The following TSHZ3 variants were observed in gnomAD, a reference collection of about 807,000 sequenced individuals.
The protein encoded by TSHZ3 is teashirt zinc finger homeobox 3, also known as teashirt homolog 3.
Under a neutral mutation model 64.5 loss-of-function variants are expected in TSHZ3, and 10 were observed. The observed-to-expected ratio is 0.16, with a 90% CI of 0.10 to 0.26. TSHZ3 has a LOEUF of 0.26. Ranked by LOEUF, TSHZ3 falls within the 10% of genes least tolerant of loss-of-function variation. The probability of loss-of-function intolerance (pLI) is 1.00; values close to 1 mark genes in which losing one functional copy is unlikely to be tolerated. For missense variants in TSHZ3, 1,242 were observed against 1,421.7 expected (o/e 0.87, Z 2.03); for synonymous variants, 608 against 593.1 (o/e 1.03, Z -0.36).
intron 1 of TSHZ3, among the ~76,000 whole-genome samples, chr19:31,306,340 C>T (rs1916295740): frequency 6.6e-6 from 1 of 152,192 alleles, no homozygotes. Context: ...GCCTAACAGT[C>T]AAATGTCTAT....
intron 1 of TSHZ3, among the ~76,000 whole-genome samples, chr19:31,289,805 G>T (rs2145128139): frequency 6.6e-6 from 1 of 152,298 alleles, no homozygotes; most frequent in African/African-American, 2.4e-5. Context: ...ATGTCCGCTG[G>T]GCTTCTGCCT....
intron 1 of TSHZ3, among the ~76,000 whole-genome samples, chr19:31,316,039 T>C (rs942208920): frequency 1.3e-5 from 2 of 152,126 alleles, no homozygotes; most frequent in African/African-American, 2.4e-5. Context: ...ATTACTGCTA[T>C]ATAAAACTAG....
At chr19:31,245,131 A>T (rs1975744411) in intron 1 of TSHZ3, among the ~76,000 whole-genome samples, 1 of 152,120 alleles carries the variant, frequency 6.6e-6, no homozygotes, top group Non-Finnish European at 1.5e-5. Flanking sequence ...ATAATATTCT[A>T]TATTTTTCAA....
chr19:31,247,699 G>C (rs1053830710), intron 1 of TSHZ3, among the ~76,000 whole-genome samples: 21 of 152,124 alleles, frequency 1.4e-4, no homozygotes, highest in African/African-American at 5.1e-4. Context: ...TTAACTTCCT[G>C]ATTTTTGTGT....
At chr19:31,170,189 A>G (rs1391296956) in intron 5 of TSHZ3, among the ~76,000 whole-genome samples, 1 of 152,124 alleles carries the variant, frequency 6.6e-6, no homozygotes, top group East Asian at 1.9e-4. Flanking sequence ...GGAGGCTGCA[A>G]GTTGGAGATC....
At chr19:31,303,527 C>T (rs890343493) in intron 1 of TSHZ3, among the ~76,000 whole-genome samples, 3 of 152,122 alleles carry the variant, frequency 2.0e-5, no homozygotes, top group East Asian at 1.9e-4. Flanking sequence ...CTGACCATCT[C>T]GGTGGGGTGG....
At chr19:31,151,197 T>G (rs1974233853) in exon 7 of TSHZ3, among the ~76,000 whole-genome samples, 1 of 152,146 alleles carries the variant, frequency 6.6e-6, no homozygotes, top group African/African-American at 2.4e-5. Context: ...GCAGTGTAAG[T>G]GACGGGAAAA....
Position 31,278,132 on chromosome 19 carries a change from T to C in TSHZ3, c.1661A>G (p.Tyr554Cys), listed in dbSNP as rs1976285042. The part of the protein sequence containing the change: ...WGGYPSIHAA[Y>C]QLPNMMKLSL... ...CAACTTCATCATGTTGGGAAGTTGG[T>C]AGGCGGCATGGATGCTGGGATAGCC... The change falls in exon 2 of 2, where the codon TAC (tyrosine) becomes TGC (cysteine). Residue 554 changes from tyrosine to cysteine, a missense_variant. By Grantham distance (194) the Tyr-to-Cys change is radical (BLOSUM62 -2). Around this residue, in one of 4 missense-constraint regions of TSHZ3, gnomAD observed 550 missense variants for 545.1 expected, o/e 1.01. Coordinates refer to ENST00000240587, the MANE Select transcript of TSHZ3 (RefSeq NM_020856.4). This position sits in a 1 kb window ranked among gnomAD's most constrained non-coding sequence, Gnocchi z 4.7. 2.5e-6 allele frequency: 4 copies of C among 1,614,164 alleles called. No individual in the cohort carries two copies. Among genetic ancestry groups the C allele is most frequent in the Non-Finnish European group, 3.4e-6 (4 of 1,180,010 alleles).
downstream of TSHZ3, among the ~76,000 whole-genome samples, chr19:31,274,785 A>G (rs552172288): frequency 6.6e-6 from 1 of 151,942 alleles, no homozygotes; most frequent in East Asian, 2.0e-4. Flanking sequence ...CAAACGCCAA[A>G]GTTCACTAAA....
intron 5 of TSHZ3, among the ~76,000 whole-genome samples, chr19:31,193,062 G>A (rs1019536020): frequency 6.6e-6 from 1 of 152,136 alleles, no homozygotes; most frequent in African/African-American, 2.4e-5. Flanking sequence ...CCCAGTGCCT[G>A]TGTGGCACAG....
rs373110206 is a variant in TSHZ3, at chr19:31,277,273, G to A, written c.2520C>T (p.Arg840=). The part of the protein sequence containing the change: ...VVSFMSNSPL[R]ENALSDISDM... ...CGGATATATCTGACAAGGCATTCTC[G>A]CGTAGCGGCGAGTTTGACATGAATG... is the stretch of plus-strand genomic sequence containing the variant. Residue 840 remains arginine (R), a synonymous_variant, in exon 2 of 2, where the codon CGC becomes CGT. Coordinates refer to ENST00000240587, the MANE Select transcript of TSHZ3 (RefSeq NM_020856.4). The surrounding 1 kb of genome is among the most constrained non-coding windows in gnomAD (Gnocchi z 4.5). 6.8e-6 allele frequency: 11 copies of A among 1,614,020 alleles called. No homozygotes were observed. Among genetic ancestry groups the A allele is most frequent in the South Asian group, 2.2e-5 (2 of 91,078 alleles).
At chr19:31,225,274 T>C (rs1334306212) in intron 4 of TSHZ3, among the ~76,000 whole-genome samples, 1 of 151,994 alleles carries the variant, frequency 6.6e-6, no homozygotes, top group Non-Finnish European at 1.5e-5. Flanking sequence ...GATGTGACAA[T>C]CTCTTTGAAG....
chr19:31,286,602 G>A (rs1292480290), intron 1 of TSHZ3, among the ~76,000 whole-genome samples: 2 of 152,196 alleles, frequency 1.3e-5, no homozygotes, highest in Non-Finnish European at 1.5e-5. Context: ...GCAACCCCTC[G>A]GGATGAGTCA....
upstream of TSHZ3, among the ~76,000 whole-genome samples, chr19:31,350,646 G>GC (rs1167897782): frequency 1.3e-5 from 2 of 151,476 alleles, no homozygotes; most frequent in Non-Finnish European, 3.0e-5. Context: ...CTCCGGGCCG[G>GC]CCCGGCCGAC....
At chr19:31,281,767 A>C (rs1342107413) in intron 1 of TSHZ3, among the ~76,000 whole-genome samples, 1 of 152,018 alleles carries the variant, frequency 6.6e-6, no homozygotes, top group African/African-American at 2.4e-5. Context: ...AAGACATCTC[A>C]CTCTCCCTCA....
rs568549640 is a variant in TSHZ3 at position 31,307,666 on chromosome 19, A to G, written c.41-27914T>C. Among the ~76,000 whole-genome samples the G allele has an allele frequency of 1.2e-3, 180 of 152,308 alleles. 1 individual carries two copies. Among genetic ancestry groups the G allele is most frequent in the African/African-American group, 4.3e-3 (178 of 41,566 alleles). ...TTAACAGAAATGTTACCGAGGAAATAATAGCCATTTCCAATGATAATACAC... is the reference window on the plus strand; with the variant it reads ...TTAACAGAAATGTTACCGAGGAAATGATAGCCATTTCCAATGATAATACAC... On this transcript the variant is annotated intron_variant, in intron 1 of 1. Transcript: ENST00000240587.
intron 3 of TSHZ3, among the ~76,000 whole-genome samples, chr19:31,237,578 C>T (rs1261664489): frequency 6.6e-6 from 1 of 151,600 alleles, no homozygotes; most frequent in South Asian, 2.1e-4. Flanking sequence ...TGTTAATTTT[C>T]CCCATGTGAA....
chr19:31,254,611 G>A (rs555147029), intron 1 of TSHZ3, among the ~76,000 whole-genome samples: 29 of 152,284 alleles, frequency 1.9e-4, no homozygotes, highest in African/African-American at 7.2e-5. Context: ...TCAATGCGGC[G>A]GGTGATTTTC....
upstream of TSHZ3, among the ~76,000 whole-genome samples, chr19:31,350,289 A>T (rs1013568890): frequency 6.7e-6 from 1 of 149,646 alleles, no homozygotes; most frequent in African/African-American, 2.5e-5. Context: ...GACCCGCCGT[A>T]GCCACTTCCC....
Sources: gnomAD v4.1 joint callset for allele counts (sites outside exome capture counted in the v4.1 genomes callset) on GRCh38, gnomAD v4.1.1 for gene constraint, gnomAD v4.1.1 regional missense constraint, Gnocchi (gnomAD v3.1) non-coding constraint, MANE v1.5 for transcripts, NCBI Gene and HGNC (gene_info 2026-07-23, HGNC 2026-07-21) for gene names.